KRT34: variants seen among roughly 807,000 people sequenced by gnomAD.
KRT34 encodes keratin 34.
KRT34 carries 31 observed loss-of-function variants against 41.7 expected under a neutral mutation model. That is an observed-to-expected ratio of 0.74 (90% confidence interval 0.56 to 1.00). KRT34 has a LOEUF of 1.00. Among genes scored for constraint, KRT34 ranks in the 50% least tolerant of loss-of-function variants. The pLI, the probability that KRT34 is intolerant of heterozygous loss-of-function variation, is 0.00. For missense variants in KRT34, 523 were observed against 500.3 expected (o/e 1.05, Z -0.43); for synonymous variants, 224 against 212.9 (o/e 1.05, Z -0.45).
At chr17:41,378,431 A>G (rs2144320647) in intron 6 of KRT34, among the ~76,000 whole-genome samples, 1 of 152,306 alleles carries the variant, frequency 6.6e-6, no homozygotes, top group Middle Eastern at 3.4e-3. Flanking sequence ...TTAGGATCAC[A>G]GGCATGCGTC....
chr17:41,379,523 C>A, intron 4 of KRT34, 45 bp from the exon 5 acceptor site: 2 of 1,613,962 alleles, frequency 1.2e-6, no homozygotes, highest in Non-Finnish European at 1.7e-6. Context: ...GTCTCCAGGG[C>A]CCTGGGGCAC....
At position 41,377,878 on chromosome 17, in the gene KRT34, G is replaced by C. The variant is rs779743911; in HGVS notation, c.*181C>G. 4 of 569,840 alleles carry C rather than the reference G, an allele frequency of 7.0e-6. No homozygotes were observed. Among genetic ancestry groups the C allele is most frequent in the Non-Finnish European group, 1.3e-5 (4 of 316,210 alleles). The allele number at this position is 569,840 out of a possible 1,614,324, so 35.3% of individuals were successfully genotyped here. ...ACAGGAAGGAGTTGTCCAGACATTG[G>C]AAGTTGATGATGTGTGTCTTTGCTT... On this transcript the variant is annotated 3_prime_UTR_variant, in exon 7 of 7. Coordinates refer to ENST00000394001, the MANE Select transcript of KRT34 (RefSeq NM_001386014.1).
rs976418612 is a variant in KRT34 at position 41,381,745 on chromosome 17, A to C, written c.399T>G (p.Asn133Lys). The part of the protein sequence containing the change: ...ENARLVVNID[N>K]AKLASDDFRS... ...TGAAGTCGTCAGAGGCCAGCTTGGC[A>C]TTGTCAATGTTCACCACCAGCCTGG... The change falls in exon 2 of 7, where the codon AAT (asparagine) becomes AAG (lysine). Residue 133 changes from asparagine (N) to lysine (K), a missense_variant. Physicochemically the swap from Asn to Lys is moderately conservative, Grantham distance 94. Coordinates refer to ENST00000394001, the MANE Select transcript of KRT34 (RefSeq NM_001386014.1). 11 of 1,614,230 alleles carry C rather than the reference A, an allele frequency of 6.8e-6. No individual in the cohort carries two copies. The highest frequency in any genetic ancestry group is 9.3e-6 in the Non-Finnish European group (11 of 1,180,030).
intron 2 of KRT34, 126 bp downstream of exon 2, chr17:41,381,587 G>T (rs2017985841): frequency 2.4e-6 from 2 of 850,448 alleles, no homozygotes; most frequent in Admixed American, 2.8e-5. Context: ...TTCCCTATTT[G>T]AAACTAATTT....
Position 41,382,100 on chromosome 17 carries a change from C to T in KRT34, c.147G>A (p.Glu49=), listed in dbSNP as rs756577185. ...ANVSNCNWFC[E]GSFNGSEKET... is the part of the protein sequence containing the mutation. ...CCTTCTCGCTGCCATTGAAGGAGCC[C>T]TCACAGAACCAGTTGCAGTTGCTCA... The change falls in exon 1 of 7, where the codon GAG becomes GAA. Residue 49 remains glutamate, a synonymous_variant. Coordinates refer to ENST00000394001, the MANE Select transcript of KRT34 (RefSeq NM_001386014.1). The T allele has an allele frequency of 3.7e-6, 6 of 1,612,536 alleles. No homozygotes were observed. The highest frequency in any genetic ancestry group is 3.3e-5 in the Admixed American group (2 of 60,016).
chr17:41,379,582 CCATTG>C lies in KRT34; in HGVS notation c.733_737del (p.Gln245ValfsTer85), dbSNP rs1357322925. On this transcript the variant is annotated frameshift_variant, in exon 4 of 7. Transcript: ENST00000394001. LOFTEE classifies it high-confidence loss of function. The stretch of plus-strand genomic sequence containing the variant: ...CTTAGATGCCCACCTGCGTGGCGAA[CCATTG>C]CTCCACTTCCCTGCGGTTAATTTCC... The C allele has an allele frequency of 6.2e-7, 1 of 1,613,864 alleles. No individual in the cohort carries two copies.
intron 6 of KRT34, among the ~76,000 whole-genome samples, chr17:41,378,462 T>C (rs1021550355): frequency 1.3e-5 from 2 of 152,158 alleles, no homozygotes; most frequent in African/African-American, 4.8e-5. Flanking sequence ...GCTAATTTTT[T>C]GTATTTTTGG....
rs765397508 is a variant in KRT34 at position 41,379,177 on chromosome 17, C to T, written c.877-1G>A. 6.2e-6 allele frequency: 10 copies of T among 1,614,046 alleles called. No homozygotes were observed. Among genetic ancestry groups the T allele is most frequent in the South Asian group, 1.1e-5 (1 of 91,086 alleles). On this transcript the variant is annotated splice_acceptor_variant, in intron 5 of 6. Coordinates refer to ENST00000394001, the MANE Select transcript of KRT34 (RefSeq NM_001386014.1). LOFTEE classifies it high-confidence loss of function. ...TCAGCGTGTTTTCCAGAGAGTCTCG[C>T]TGTGGTGGGGAAGATCAGGAATGTC...
At chr17:41,378,874 G>C (rs533280308) in intron 6 of KRT34, 82 bp downstream of exon 6, 1 of 1,572,256 alleles carries the variant, frequency 6.4e-7, no homozygotes, top group Non-Finnish European at 8.7e-7. Flanking sequence ...TGCCTGACTA[G>C]TTGAAAACAT....
At chr17:41,379,323 C>A (rs368668766) in intron 5 of KRT34, 30 bp downstream of exon 5, 8 of 1,613,000 alleles carry the variant, frequency 5.0e-6, no homozygotes, top group Non-Finnish European at 6.8e-6. Context: ...AAGTTCCCAT[C>A]GCTCACCAGC....
rs532014197 is a variant in KRT34 at position 41,381,119 on chromosome 17, G to A, written c.525C>T (p.Asp175=). The A allele has an allele frequency of 2.5e-6, 4 of 1,614,102 alleles. No individual in the cohort carries two copies. In the African/African-American group the frequency reaches 5.3e-5, roughly 22 times the overall value. ...ILDELTLCKS[D]LESQVESLRE... ...TCAGGGACTCCACCTGGGACTCCAG[G>A]TCAGACTTGCAGAGGGTCAGCTCAT... The change falls in exon 3 of 7, where the codon GAC becomes GAT. Residue 175 remains aspartate, a synonymous_variant. Coordinates refer to ENST00000394001, the MANE Select transcript of KRT34 (RefSeq NM_001386014.1).
At chr17:41,379,950 C>T (rs1454413598) in intron 3 of KRT34, among the ~76,000 whole-genome samples, 1 of 151,774 alleles carries the variant, frequency 6.6e-6, no homozygotes, top group Non-Finnish European at 1.5e-5. Context: ...GGAAAATGAG[C>T]TTGATGCTGC....
At chr17:41,380,423 G>A (rs2017955998) in intron 3 of KRT34, among the ~76,000 whole-genome samples, 1 of 152,204 alleles carries the variant, frequency 6.6e-6, no homozygotes, top group African/African-American at 2.4e-5. Flanking sequence ...GCATATGCAA[G>A]TCCTTCCTCG....
chr17:41,378,018 T>C lies in KRT34; in HGVS notation c.*41A>G. 6.8e-7 allele frequency: 1 copy of C among 1,473,362 alleles called. No homozygotes were observed. Among genetic ancestry groups the C allele is most frequent in the South Asian group, 1.1e-5 (1 of 87,116 alleles). 91.3% of individuals were successfully genotyped at this position (1,473,362 alleles called of 1,614,324 possible). ...TTGAGGATCCTTCCTGTGGTTGATCTAAATGGCTTTGTAGATGTCTTCAAA... is the reference window on the plus strand; with the variant it reads ...TTGAGGATCCTTCCTGTGGTTGATCCAAATGGCTTTGTAGATGTCTTCAAA... On this transcript the variant is annotated 3_prime_UTR_variant, in exon 7 of 7. Transcript: ENST00000394001.
intron 4 of KRT34, 39 bp from the exon 5 acceptor site, chr17:41,379,517 C>G: frequency 6.2e-7 from 1 of 1,614,116 alleles, no homozygotes. Flanking sequence ...GACCCTGTCT[C>G]CAGGGCCCTG....
At chr17:41,382,708 G>A (rs2144337163), upstream of KRT34, among the ~76,000 whole-genome samples, 1 of 152,318 alleles carries the variant, frequency 6.6e-6, no homozygotes, top group South Asian at 2.1e-4. Context: ...AGCTTTGAGA[G>A]TTACTCTTCC....
upstream of KRT34, among the ~76,000 whole-genome samples, chr17:41,383,179 C>T (rs989961792): frequency 7.2e-5 from 11 of 152,184 alleles, no homozygotes; most frequent in Admixed American, 1.3e-4. Flanking sequence ...CCACCACACC[C>T]GGCTAATTTT....
intron 6 of KRT34, 145 bp downstream of exon 6, chr17:41,378,811 C>T: frequency 1.6e-6 from 2 of 1,214,808 alleles, no homozygotes; most frequent in Admixed American, 2.1e-5. Context: ...TTTGGCCTCC[C>T]TTTGCTTAGC....
At position 41,377,895 on chromosome 17, in the gene KRT34, T is replaced by A. The variant is rs749187637; in HGVS notation, c.*164A>T. ...AGACATTGGAAGTTGATGATGTGTG[T>A]CTTTGCTTGGGTCAGGAAAGCTTTT... On this transcript the variant is annotated 3_prime_UTR_variant, in exon 7 of 7. Transcript: ENST00000394001. 1.2e-4 allele frequency: 68 copies of A among 589,864 alleles called. No homozygotes were observed. The highest frequency in any genetic ancestry group is 1.7e-4 in the Non-Finnish European group (57 of 326,434). The allele number at this position is 589,864 out of a possible 1,614,324, so 36.5% of individuals were successfully genotyped here.
Sources: allele counts gnomAD v4.1 joint callset (sites outside exome capture counted in the v4.1 genomes callset), GRCh38; gene constraint gnomAD v4.1.1; transcripts MANE v1.5; gene names NCBI Gene and HGNC (gene_info 2026-07-23, HGNC 2026-07-21).